KCNIP4: variants seen among roughly 807,000 people sequenced by gnomAD.
KCNIP4 encodes the protein potassium voltage-gated channel interacting protein 4.
In KCNIP4, 12 loss-of-function variants were observed where a neutral mutation model predicts 34.0. The ratio of observed to expected loss-of-function variants is 0.35; its 90% CI spans 0.23 to 0.57. KCNIP4 has a LOEUF of 0.57. KCNIP4 is among the 20% of genes least tolerant of loss of function. The pLI, the probability that KCNIP4 is intolerant of heterozygous loss-of-function variation, is 0.83. For synonymous variants in KCNIP4, 124 were observed against 102.2 expected (o/e 1.21, Z -1.29); for missense variants, 238 against 311.7 (o/e 0.76, Z 1.78).
chr4:21,860,426 G>C (rs935074942), intron 1 of KCNIP4, among the ~76,000 whole-genome samples: 31 of 152,258 alleles, frequency 2.0e-4, no homozygotes, highest in African/African-American at 7.5e-4. Flanking sequence ...GAGCCACTGT[G>C]CCTGGCCAGA....
At chr4:20,787,250 T>C (rs1375398987) in intron 3 of KCNIP4, among the ~76,000 whole-genome samples, 4 of 152,194 alleles carry the variant, frequency 2.6e-5, no homozygotes, top group African/African-American at 9.6e-5. Context: ...CTTTTACATC[T>C]ATAAATTCCC....
chr4:20,777,310 A>T (rs1756461354), intron 3 of KCNIP4, among the ~76,000 whole-genome samples: 1 of 152,200 alleles, frequency 6.6e-6, no homozygotes, highest in Non-Finnish European at 1.5e-5. Context: ...GCATGGGGGC[A>T]ACTGCCCCCA....
chr4:21,801,169 T>C (rs745977349), intron 1 of KCNIP4, among the ~76,000 whole-genome samples: 3 of 152,212 alleles, frequency 2.0e-5, no homozygotes, highest in Non-Finnish European at 2.9e-5. Flanking sequence ...CCAGTTTTCA[T>C]AGCTTCATGT....
At chr4:21,908,403 C>T (rs952272892) in intron 1 of KCNIP4, among the ~76,000 whole-genome samples, 6 of 152,122 alleles carry the variant, frequency 3.9e-5, no homozygotes, top group Non-Finnish European at 7.3e-5. Flanking sequence ...CCAAGCTCCC[C>T]GTCAAGATCA....
chr4:21,192,955 A>ACTACTAC (rs1560797643), intron 1 of KCNIP4, among the ~76,000 whole-genome samples: 33 of 139,270 alleles, frequency 2.4e-4, no homozygotes, highest in Middle Eastern at 3.6e-3. Flanking sequence ...ACTACTACTA[A>ACTACTAC]TAATAATAAT....
At chr4:21,013,881 G>A (rs993865061) in intron 1 of KCNIP4, among the ~76,000 whole-genome samples, 2 of 152,068 alleles carry the variant, frequency 1.3e-5, no homozygotes, top group Admixed American at 6.5e-5. Flanking sequence ...GAGTGAAATC[G>A]GTAATTCTTT....
chr4:21,268,640 C>A (rs1307579787), intron 1 of KCNIP4, among the ~76,000 whole-genome samples: 1 of 152,202 alleles, frequency 6.6e-6, no homozygotes. Context: ...CTTCAAGGGG[C>A]AGAGGAACAT....
intron 2 of KCNIP4, among the ~76,000 whole-genome samples, chr4:20,875,817 A>C (rs1335058496): frequency 6.6e-6 from 1 of 152,172 alleles, no homozygotes; most frequent in Non-Finnish European, 1.5e-5. Flanking sequence ...CCAACAGCCA[A>C]ATGCTGATGG....
chr4:21,401,356 A>C (rs1224425358), intron 1 of KCNIP4, among the ~76,000 whole-genome samples: 1 of 152,200 alleles, frequency 6.6e-6, no homozygotes, highest in African/African-American at 2.4e-5. Context: ...AGGAATGACG[A>C]TTTGTGAAGA....
At chr4:20,750,401 G>T (rs114643439) in intron 4 of KCNIP4, among the ~76,000 whole-genome samples, 3 of 152,120 alleles carry the variant, frequency 2.0e-5, no homozygotes, top group African/African-American at 7.2e-5. Flanking sequence ...AGGGGACTGG[G>T]TGGTCCTACA....
chr4:21,786,038 T>C (rs1414400511), intron 1 of KCNIP4, among the ~76,000 whole-genome samples: 2 of 152,196 alleles, frequency 1.3e-5, no homozygotes, highest in African/African-American at 4.8e-5. Context: ...AACCTCCGCC[T>C]CTCGATTTCA....
chr4:21,356,680 T>C (rs112283535), intron 1 of KCNIP4, among the ~76,000 whole-genome samples: 2,280 of 152,226 alleles, frequency 0.015, 27 homozygotes, highest in Non-Finnish European at 0.021. Context: ...CACAAACAAA[T>C]GGAGGAACAT....
intron 1 of KCNIP4, among the ~76,000 whole-genome samples, chr4:21,099,587 A>G (rs1747761598): frequency 6.6e-6 from 1 of 152,168 alleles, no homozygotes; most frequent in Admixed American, 6.5e-5. Flanking sequence ...ACAAACCCAC[A>G]TATCCCGCAC....
chr4:20,944,324 G>C (rs950449607), intron 1 of KCNIP4, among the ~76,000 whole-genome samples: 1 of 152,150 alleles, frequency 6.6e-6, no homozygotes, highest in Non-Finnish European at 1.5e-5. Flanking sequence ...AAGGACAACA[G>C]AGACACCTTG....
intron 1 of KCNIP4, among the ~76,000 whole-genome samples, chr4:21,390,206 T>G (rs548139682): frequency 6.6e-6 from 1 of 152,298 alleles, no homozygotes; most frequent in East Asian, 1.9e-4. Flanking sequence ...ATATTAGCCC[T>G]TTGTCAGATA....
intron 3 of KCNIP4, among the ~76,000 whole-genome samples, chr4:20,823,705 C>A (rs778597893): frequency 2.0e-5 from 3 of 152,134 alleles, no homozygotes; most frequent in Non-Finnish European, 4.4e-5. Context: ...GAACTATGAT[C>A]AATAAATTTG....
intron 1 of KCNIP4, among the ~76,000 whole-genome samples, chr4:21,349,897 C>G (rs145982575): frequency 0.016 from 2,390 of 152,240 alleles, 26 homozygotes; most frequent in South Asian, 0.037. Flanking sequence ...AGAGCTAGAG[C>G]AGCAGTTCTC....
chr4:21,128,252 T>C (rs1447759233), intron 1 of KCNIP4, among the ~76,000 whole-genome samples: 3 of 152,212 alleles, frequency 2.0e-5, no homozygotes, highest in African/African-American at 4.8e-5. Context: ...TTCTCAGAGA[T>C]GCTCTCATGG....
intron 1 of KCNIP4, among the ~76,000 whole-genome samples, chr4:21,293,512 C>A (rs1458183866): frequency 1.3e-5 from 2 of 152,120 alleles, no homozygotes; most frequent in Admixed American, 6.5e-5. Flanking sequence ...GTCAAATAAT[C>A]CCATCCTAAT....
Sources: gnomAD v4.1 joint callset for allele counts (sites outside exome capture counted in the v4.1 genomes callset) on GRCh38, gnomAD v4.1.1 for gene constraint, MANE v1.5 for transcripts, NCBI Gene and HGNC (gene_info 2026-07-23, HGNC 2026-07-21) for gene names.